The following FAAH2 variants were observed in gnomAD, a reference collection of about 807,000 sequenced individuals.
The protein encoded by FAAH2 is fatty-acid amide hydrolase 2.
FAAH2 carries 60 observed loss-of-function variants against 36.9 expected under a neutral mutation model. The observed-to-expected ratio is 1.63, with a 90% confidence interval of 1.32 to 2.02. The LOEUF is 2.02. Among genes scored for constraint, FAAH2 ranks in the 30% most tolerant of loss-of-function variants. FAAH2 has a pLI of 0.00. For synonymous variants in FAAH2, 214 were observed against 143.8 expected, an observed-to-expected ratio of 1.49 and a Z score of -3.49; for missense variants, 689 against 397.5, an observed-to-expected ratio of 1.73 and a Z score of -6.23.
chrX:57,151,668 T>G, the FAAH2 span, among the ~76,000 whole-genome samples: 2 of 111,549 alleles, frequency 1.8e-5, no homozygotes, highest in African/African-American at 6.5e-5. Flanking sequence ...TGTCTAATTT[T>G]TTTTTCAAAG....
the FAAH2 span, among the ~76,000 whole-genome samples, chrX:57,232,479 C>G: frequency 8.9e-6 from 1 of 112,037 alleles, no homozygotes; most frequent in South Asian, 3.7e-4. Flanking sequence ...AAAATTTCAG[C>G]TCTTAAAATT....
intron 7 of FAAH2, among the ~76,000 whole-genome samples, chrX:57,416,987 A>G (rs1317571191): frequency 2.7e-5 from 3 of 110,831 alleles, no homozygotes; most frequent in East Asian, 5.7e-4. Context: ...TTAATCTTCA[A>G]TCTCTGATGC....
chrX:57,487,308 C>A (rs1446206503), intron 10 of FAAH2, among the ~76,000 whole-genome samples: 1 of 108,462 alleles, frequency 9.2e-6, no homozygotes, highest in Admixed American at 9.9e-5. Flanking sequence ...AAAAAAAAAA[C>A]TATATTTCAA....
chrX:57,185,704 G>A, the FAAH2 span, among the ~76,000 whole-genome samples: 8 of 109,535 alleles, frequency 7.3e-5, no homozygotes, highest in South Asian at 2.4e-3. Flanking sequence ...GCTCTCCCTC[G>A]CCTTTCCCCC....
At chrX:57,456,212 C>G (rs1014117981) in intron 10 of FAAH2, among the ~76,000 whole-genome samples, 1 of 111,348 alleles carries the variant, frequency 9.0e-6, no homozygotes. Context: ...GGGCAAAAAA[C>G]AAAATTAAGA....
At chrX:57,185,561 T>C in the FAAH2 span, among the ~76,000 whole-genome samples, 13 of 109,402 alleles carry the variant, frequency 1.2e-4, no homozygotes, top group Non-Finnish European at 2.5e-4. Flanking sequence ...CGTGTTTTAC[T>C]TTAGGTTCTG....
chrX:57,124,143 C>A, the FAAH2 span, among the ~76,000 whole-genome samples: 1 of 111,129 alleles, frequency 9.0e-6, no homozygotes, highest in Non-Finnish European at 1.9e-5. Flanking sequence ...TTAGGTCTAA[C>A]GTTTAAGTCT....
At chrX:57,424,209 G>A (rs2056105632) in intron 7 of FAAH2, among the ~76,000 whole-genome samples, 2 of 111,451 alleles carry the variant, frequency 1.8e-5, no homozygotes, top group African/African-American at 6.5e-5. Flanking sequence ...CCTTTTTTTG[G>A]TGTCCACCAC....
intron 8 of FAAH2, among the ~76,000 whole-genome samples, chrX:57,441,340 G>T (rs2056549958): frequency 9.0e-6 from 1 of 111,378 alleles, no homozygotes; most frequent in African/African-American, 3.3e-5. Flanking sequence ...GAGGGTGTGT[G>T]TGTCCAGGAA....
the FAAH2 span, among the ~76,000 whole-genome samples, chrX:57,194,976 AG>A: frequency 9.1e-6 from 1 of 109,664 alleles, no homozygotes; most frequent in Non-Finnish European, 1.9e-5. Context: ...TGTGTGTGTA[AG>A]TGTGTATATA....
the FAAH2 span, among the ~76,000 whole-genome samples, chrX:57,253,228 A>G: frequency 9.0e-6 from 1 of 110,691 alleles, no homozygotes; most frequent in Non-Finnish European, 1.9e-5. Flanking sequence ...AAAGAGTGAA[A>G]AGAAACAAAA....
chrX:57,286,844 G>C lies in FAAH2; in HGVS notation c.19G>C (p.Ala7Pro). 1 of 1,183,718 alleles carries C rather than the reference G, an allele frequency of 8.4e-7. No homozygotes were observed. Among genetic ancestry groups the C allele is most frequent in the South Asian group, 1.9e-5 (1 of 52,789 alleles). Reference protein sequence around the residue: MAPSFTARIQLFLLRAL... With the variant: MAPSFTPRIQLFLLRAL... ...GGCTGCGATGGCACCTTCATTTACC[G>C]CCCGCATTCAGTTGTTCCTCTTGCG... Residue 7 changes from alanine (A) to proline (P), a missense_variant, in exon 1 of 11, where the codon GCC becomes CCC. Ala to Pro is a conservative substitution (Grantham distance 27). Transcript: ENST00000374900.
At chrX:57,147,048 C>T in the FAAH2 span, among the ~76,000 whole-genome samples, 4 of 110,736 alleles carry the variant, frequency 3.6e-5, no homozygotes, top group African/African-American at 9.8e-5. Flanking sequence ...TGTCTTTTCC[C>T]GGTTTTGGTG....
Position 57,438,237 on chromosome X carries a change from G to A in FAAH2, c.1116+6200G>A, listed in dbSNP as rs189712530. ...TATATATATATCAGTATATATATCA[G>A]TATATATAGATATAAGTATATAGAT... On this transcript the variant is annotated intron_variant, in intron 8 of 10. Coordinates refer to ENST00000374900, the MANE Select transcript of FAAH2 (RefSeq NM_174912.4). 2.9e-3 allele frequency among the ~76,000 whole-genome samples: 183 copies of A among 62,949 alleles called. 1 individual carries two copies. The highest frequency in any genetic ancestry group is 0.01 in the African/African-American group (173 of 16,675). The allele number at this position is 62,949 out of a possible 115,157, so 54.7% of individuals were successfully genotyped here.
chrX:57,395,030 A>T, intron 7 of FAAH2: 1 of 559,501 alleles, frequency 1.8e-6, no homozygotes, highest in Non-Finnish European at 3.3e-6. Flanking sequence ...CCCAGCACTG[A>T]TGCTAGTCAA....
chrX:57,179,046 A>G, the FAAH2 span, among the ~76,000 whole-genome samples: 4 of 111,590 alleles, frequency 3.6e-5, no homozygotes, highest in Admixed American at 9.5e-5. Context: ...AGAAGAAATA[A>G]CATCCTATTC....
chrX:57,159,126 G>T, the FAAH2 span, among the ~76,000 whole-genome samples: 2 of 111,826 alleles, frequency 1.8e-5, no homozygotes, highest in Non-Finnish European at 3.8e-5. Flanking sequence ...TTTTTGTCAG[G>T]TTTGTCAAAG....
intron 10 of FAAH2, among the ~76,000 whole-genome samples, chrX:57,449,000 T>C (rs2056735908): frequency 9.0e-6 from 1 of 111,598 alleles, no homozygotes; most frequent in South Asian, 3.8e-4. Flanking sequence ...TATCACTCAG[T>C]GTGATCACAC....
At chrX:57,226,050 C>T in the FAAH2 span, among the ~76,000 whole-genome samples, 1 of 112,004 alleles carries the variant, frequency 8.9e-6, no homozygotes, top group Non-Finnish European at 1.9e-5. Flanking sequence ...AGGTGAGTCT[C>T]CTGAAGACAG....
Sources: gnomAD v4.1 joint callset for allele counts (sites outside exome capture counted in the v4.1 genomes callset) on GRCh38, gnomAD v4.1.1 for gene constraint, MANE v1.5 for transcripts, NCBI Gene and HGNC (gene_info 2026-07-23, HGNC 2026-07-21) for gene names.